The following FGFR1OP2 variants were observed in gnomAD, a reference collection of about 807,000 sequenced individuals.
The protein encoded by FGFR1OP2 is FGFR1 oncogene partner 2, also known as fibroblast growth factor receptor 1 oncogene partner 2.
Under a neutral mutation model 35.2 loss-of-function variants are expected in FGFR1OP2, and 17 were observed. The ratio of observed to expected loss-of-function variants is 0.48; its 90% CI spans 0.33 to 0.73. The LOEUF (loss-of-function observed/expected upper bound fraction) is 0.73. Among genes scored for constraint, FGFR1OP2 ranks in the 30% least tolerant of loss-of-function variants. The pLI is 0.02. For missense variants in FGFR1OP2, 251 were observed against 307.3 expected (o/e 0.82, Z 1.37); for synonymous variants, 105 against 104.6 (o/e 1.00, Z -0.03).
At chr12:26,940,254 T>G (rs550083397) in intron 1 of FGFR1OP2, among the ~76,000 whole-genome samples, 1 of 152,276 alleles carries the variant, frequency 6.6e-6, no homozygotes, top group South Asian at 2.1e-4. Context: ...ATGTGAAACT[T>G]ATATTCAGCC....
chr12:26,940,832 A>AT (rs199684690), intron 1 of FGFR1OP2, among the ~76,000 whole-genome samples: 1,762 of 152,170 alleles, frequency 0.012, 17 homozygotes, highest in Non-Finnish European at 0.015. Context: ...AATATTTGAA[A>AT]TTTTTTTCGT....
chr12:26,939,288 C>T (rs1938665039), intron 1 of FGFR1OP2, among the ~76,000 whole-genome samples: 1 of 151,990 alleles, frequency 6.6e-6, no homozygotes, highest in Non-Finnish European at 1.5e-5. Flanking sequence ...CCCCGCCCTC[C>T]ACTGGTTTCC....
chr12:26,965,448 T>C lies in FGFR1OP2; in HGVS notation c.*715T>C, dbSNP rs1187072710. On this transcript the variant is annotated 3_prime_UTR_variant, in exon 7 of 7. Coordinates refer to ENST00000229395, the MANE Select transcript of FGFR1OP2 (RefSeq NM_015633.3). ...CATATTTAGTAGGTTAAACTACTCC[T>C]TTGAAAGAATAAGTTTTGGTTCAAA... The C allele has an allele frequency of 6.6e-6, 1 of 152,546 alleles. No homozygotes were observed. The highest frequency in any genetic ancestry group is 1.5e-5 in the Non-Finnish European group (1 of 67,958). 9.4% of individuals were successfully genotyped at this position (152,546 alleles called of 1,614,324 possible).
rs534112435 is a variant in FGFR1OP2 at position 26,960,531 on chromosome 12, G to C, written c.413G>C (p.Arg138Pro). 5.0e-6 allele frequency: 8 copies of C among 1,612,502 alleles called. No individual in the cohort carries two copies. The South Asian group carries it at 8.8e-5, about 18-fold the overall frequency. Residue 138 changes from arginine to proline, a missense_variant, in exon 5 of 7, where the codon CGT (arginine) becomes CCT (proline). Physicochemically the swap from Arg to Pro is moderately radical, Grantham distance 103. Transcript: ENST00000229395. The stretch of plus-strand genomic sequence containing the variant: ...ATACTACAGATTGACATGGTACATC[G>C]TAACAAGTCCGAAGGATTCTTCCTT... ...EQHSKIDMVH[R>P]NKSEGFFLDA...
chr12:26,960,468 A>G, intron 4 of FGFR1OP2, 47 bp from the exon 5 acceptor site: 6 of 1,383,382 alleles, frequency 4.3e-6, no homozygotes, highest in Non-Finnish European at 6.0e-6. Context: ...CAGTTTTTAA[A>G]TTACGGATGA....
At chr12:26,951,873 A>G (rs1263159036) in intron 1 of FGFR1OP2, among the ~76,000 whole-genome samples, 1 of 152,184 alleles carries the variant, frequency 6.6e-6, no homozygotes, top group Non-Finnish European at 1.5e-5. Context: ...AGTCCCAACA[A>G]TATCATTTAC....
At chr12:26,939,108 T>C (rs888774524) in intron 1 of FGFR1OP2, among the ~76,000 whole-genome samples, 2 of 152,218 alleles carry the variant, frequency 1.3e-5, no homozygotes, top group Admixed American at 6.5e-5. Flanking sequence ...TACTCTTTTC[T>C]GGTTCTCTTC....
intron 1 of FGFR1OP2, among the ~76,000 whole-genome samples, chr12:26,949,723 C>T (rs541219014): frequency 3.9e-5 from 6 of 151,962 alleles, no homozygotes; most frequent in East Asian, 3.9e-4. Context: ...GGATTACAGG[C>T]GCATGCCACC....
At chr12:26,958,108 C>T (rs1260835950) in intron 4 of FGFR1OP2, 1 of 162,232 alleles carries the variant, frequency 6.2e-6, no homozygotes, top group East Asian at 1.8e-4. Flanking sequence ...CGCCTATAAT[C>T]CCAGCACTTT....
At chr12:26,949,908 A>T (rs1447189189) in intron 1 of FGFR1OP2, among the ~76,000 whole-genome samples, 1 of 152,034 alleles carries the variant, frequency 6.6e-6, no homozygotes, top group African/African-American at 2.4e-5. Flanking sequence ...GGTACTATCA[A>T]GTAGCCATTC....
chr12:26,946,903 G>A (rs942780197), intron 1 of FGFR1OP2, among the ~76,000 whole-genome samples: 5 of 152,002 alleles, frequency 3.3e-5, no homozygotes, highest in African/African-American at 9.7e-5. Context: ...TGCCTCTTTT[G>A]GACACTATAT....
At chr12:26,950,213 G>GTTGTTTTTTTTTTTTT (rs1938898866) in intron 1 of FGFR1OP2, among the ~76,000 whole-genome samples, 1 of 50,934 alleles carries the variant, frequency 2.0e-5, no homozygotes, top group African/African-American at 8.1e-5. Context: ...TGTATTCGTT[G>GTTGTTTTTTTTTTTTT]TTTTTTTTTT....
chr12:26,963,722 A>G (rs1186185897), intron 6 of FGFR1OP2, among the ~76,000 whole-genome samples: 5 of 152,178 alleles, frequency 3.3e-5, no homozygotes, highest in Non-Finnish European at 7.4e-5. Context: ...TACTTCTTCA[A>G]TTGAGTCATT....
At chr12:26,950,606 A>G (rs984028243) in intron 1 of FGFR1OP2, among the ~76,000 whole-genome samples, 7 of 152,206 alleles carry the variant, frequency 4.6e-5, no homozygotes, top group Non-Finnish European at 1.0e-4. Flanking sequence ...TTCTAAAAGC[A>G]TATCACCTAT....
In FGFR1OP2 at chr12:26,957,707, G is replaced by T; in HGVS notation, c.360G>T (p.Pro120=). 6.2e-7 allele frequency: 1 copy of T among 1,613,324 alleles called. No homozygotes were observed. The highest frequency in any genetic ancestry group is 8.5e-7 in the Non-Finnish European group (1 of 1,179,698). Residue 120 remains proline, a synonymous_variant, in exon 4 of 7, where the codon CCG becomes CCT. Transcript: ENST00000229395. ...RLLMASKKDD[P]GIIMKLKEQH... ...TAATGGCTAGCAAAAAAGATGATCC[G>T]GGTATAATAATGAAGTTAAAAGAGC...
intron 6 of FGFR1OP2, 66 bp downstream of exon 6, chr12:26,963,521 C>A: frequency 3.9e-6 from 4 of 1,018,004 alleles, no homozygotes; most frequent in South Asian, 1.6e-5. Context: ...GAAAATATAT[C>A]CCATTTTTAA....
intron 4 of FGFR1OP2, 192 bp downstream of exon 4, chr12:26,957,935 G>T: frequency 8.9e-6 from 4 of 451,792 alleles, no homozygotes; most frequent in Non-Finnish European, 1.5e-5. Context: ...ATCATTTTCT[G>T]TTTGATTTAT....
At position 26,938,495 on chromosome 12, in the gene FGFR1OP2, G is replaced by T. The variant is rs1050630879; in HGVS notation, c.-230G>T. 30 of 152,290 alleles carry T rather than the reference G, an allele frequency of 2.0e-4. No individual in the cohort carries two copies. Among genetic ancestry groups the T allele is most frequent in the Admixed American group, 1.8e-3 (28 of 15,286 alleles). The allele number at this position is 152,290 out of a possible 1,614,324, so 9.4% of individuals were successfully genotyped here. A position where few individuals can be genotyped will look rare whatever the true frequency, so the allele number is the denominator to read the frequency against. ...AGTTCTCCGGGAGCGCCGGTCGGAG[G>T]CGGTCGGCGGAGGTGTCTACCCCGC... On this transcript the variant is annotated 5_prime_UTR_variant, in exon 1 of 7. Transcript: ENST00000229395.
At chr12:26,951,196 G>C (rs1282550278) in intron 1 of FGFR1OP2, among the ~76,000 whole-genome samples, 2 of 151,964 alleles carry the variant, frequency 1.3e-5, no homozygotes, top group African/African-American at 4.8e-5. Flanking sequence ...TGAGGCCCAG[G>C]CTGGAGTGCA....
Sources: allele counts gnomAD v4.1 joint callset (sites outside exome capture counted in the v4.1 genomes callset), GRCh38; gene constraint gnomAD v4.1.1; transcripts MANE v1.5; gene names NCBI Gene and HGNC (gene_info 2026-07-23, HGNC 2026-07-21).